CDCA7L: variants seen among roughly 807,000 people sequenced by gnomAD.
The protein encoded by CDCA7L is cell division cycle-associated 7-like protein.
CDCA7L carries 44 observed loss-of-function variants against 57.4 expected under a neutral mutation model. The ratio of observed to expected loss-of-function variants is 0.77; its 90% confidence interval spans 0.60 to 0.98. The LOEUF (loss-of-function observed/expected upper bound fraction) is 0.98, where lower values mean the gene tolerates loss of function less well. Ranked by LOEUF, CDCA7L falls within the 50% of genes least tolerant of loss-of-function variation. The probability of loss-of-function intolerance (pLI) is 0.00; values close to 1 mark genes in which losing one functional copy is unlikely to be tolerated. For synonymous variants in CDCA7L, 236 were observed against 202.8 expected, an observed-to-expected ratio of 1.16 and a Z score of -1.39; for missense variants, 644 against 580.6, an observed-to-expected ratio of 1.11 and a Z score of -1.12.
At chr7:21,944,447 T>C (rs1251628298) in intron 1 of CDCA7L, among the ~76,000 whole-genome samples, 2 of 5,530 alleles carry the variant, frequency 3.6e-4, no homozygotes, top group South Asian at 7.9e-3. Context: ...AAACTCCGTC[T>C]CCAAAAAAAA....
chr7:21,934,441 G>A (rs1272002117), intron 1 of CDCA7L, among the ~76,000 whole-genome samples: 2 of 151,858 alleles, frequency 1.3e-5, no homozygotes, highest in Non-Finnish European at 2.9e-5. Flanking sequence ...TGAGAAGAGA[G>A]TCAAAATGTG....
At chr7:21,904,371 G>C (rs953664766) in intron 7 of CDCA7L, 112 bp from the exon 8 acceptor site, 1 of 1,079,456 alleles carries the variant, frequency 9.3e-7, no homozygotes. Flanking sequence ...CCGTCTCCTC[G>C]AATCAAGCAG....
chr7:21,904,168 C>T lies in CDCA7L; in HGVS notation c.1139G>A (p.Cys380Tyr). Residue 380 changes from cysteine to tyrosine, a missense_variant, in exon 8 of 10, where the codon TGT becomes TAT. Physicochemically the swap from Cys to Tyr is radical, Grantham distance 194. Coordinates refer to ENST00000406877, the MANE Select transcript of CDCA7L (RefSeq NM_018719.5). The part of the protein sequence containing the change: ...QGCCGVRGQF[C>Y]GPCLRNRYGE... ...ATAGCGGTTCCGCAGGCATGGTCCA[C>T]AGAACTGTCCTCGCACACCACAGCA... The T allele has an allele frequency of 6.2e-7, 1 of 1,613,792 alleles. No homozygotes were observed. The highest frequency in any genetic ancestry group is 8.5e-7 in the Non-Finnish European group (1 of 1,179,860).
At chr7:21,937,132 G>GA (rs1266242012) in intron 1 of CDCA7L, among the ~76,000 whole-genome samples, 2 of 151,988 alleles carry the variant, frequency 1.3e-5, no homozygotes, top group Non-Finnish European at 2.9e-5. Flanking sequence ...CTACATCCCC[G>GA]AAAAAATCAA....
rs59962968 is a variant in CDCA7L, at chr7:21,915,529, G to A, written c.165+1225C>T. On this transcript the variant is annotated intron_variant, in intron 2 of 9. Coordinates refer to ENST00000406877, the MANE Select transcript of CDCA7L (RefSeq NM_018719.5). The stretch of plus-strand genomic sequence containing the variant: ...TAACAAAAAGCAGGCCAGGTACAGT[G>A]GCTCACGCCTCTAATTCCAGCACTT... Among the ~76,000 whole-genome samples, 125 of 151,972 alleles carry A rather than the reference G, an allele frequency of 8.2e-4. 5 individuals are homozygous for A. In the East Asian group the frequency reaches 0.023, roughly 28 times the overall value.
chr7:21,929,817 T>C (rs1463724671), intron 1 of CDCA7L, among the ~76,000 whole-genome samples: 1 of 152,030 alleles, frequency 6.6e-6, no homozygotes, highest in Admixed American at 6.6e-5. Flanking sequence ...CCCAGATGCA[T>C]AAAGCAAGTT....
At chr7:21,911,513 A>C (rs1328034000) in intron 3 of CDCA7L, 104 bp downstream of exon 3, 4 of 1,378,840 alleles carry the variant, frequency 2.9e-6, no homozygotes, top group East Asian at 5.0e-5. Context: ...TAAATATGTA[A>C]GAAAAATCTT....
At chr7:21,902,647 G>C (rs1784961867) in intron 9 of CDCA7L, 2 of 510,546 alleles carry the variant, frequency 3.9e-6, no homozygotes, top group East Asian at 6.7e-5. Flanking sequence ...TCTGCACTAG[G>C]ATTATGGCTG....
chr7:21,915,635 TAA>T (rs35601553), intron 2 of CDCA7L, among the ~76,000 whole-genome samples: 7 of 88,314 alleles, frequency 7.9e-5, no homozygotes, highest in African/African-American at 1.3e-4. Context: ...CCATCACTAC[TAA>T]AAAAAAAAAA....
At chr7:21,920,180 G>A (rs1785607780) in intron 1 of CDCA7L, among the ~76,000 whole-genome samples, 1 of 152,126 alleles carries the variant, frequency 6.6e-6, no homozygotes. Flanking sequence ...TATCAACACA[G>A]CAAAAAGGGC....
At chr7:21,926,225 C>T (rs1005565154) in intron 1 of CDCA7L, among the ~76,000 whole-genome samples, 10 of 131,340 alleles carry the variant, frequency 7.6e-5, no homozygotes, top group Admixed American at 5.2e-4. Context: ...TAGTATTCAG[C>T]AGTTAATAAA....
intron 1 of CDCA7L, among the ~76,000 whole-genome samples, chr7:21,936,623 C>T (rs9692398): frequency 0.44 from 66,316 of 151,416 alleles, 15,396 homozygotes; most frequent in Non-Finnish European, 0.52. Context: ...CAACACCCTT[C>T]CCTCATCAGA....
chr7:21,910,255 C>G (rs1263323004), intron 3 of CDCA7L, among the ~76,000 whole-genome samples: 1 of 152,096 alleles, frequency 6.6e-6, no homozygotes, highest in Non-Finnish European at 1.5e-5. Flanking sequence ...ATCTTAATAT[C>G]GTGCTGGCAA....
chr7:21,905,820 G>A (rs773797987), intron 6 of CDCA7L, 189 bp from the exon 7 acceptor site: 14 of 603,626 alleles, frequency 2.3e-5, no homozygotes, highest in South Asian at 5.9e-5. Context: ...TCAGCAAGGC[G>A]ATACAATCAT....
intron 1 of CDCA7L, among the ~76,000 whole-genome samples, chr7:21,918,826 TAAAAC>T (rs756178513): frequency 2.6e-5 from 4 of 152,182 alleles, no homozygotes; most frequent in Non-Finnish European, 5.9e-5. Context: ...TCTTCGCTTT[TAAAAC>T]AAAACAAAAC....
intron 1 of CDCA7L, among the ~76,000 whole-genome samples, chr7:21,920,098 GTT>G (rs1008326968): frequency 6.6e-6 from 1 of 152,160 alleles, no homozygotes; most frequent in Admixed American, 6.5e-5. Flanking sequence ...AATACAGTTT[GTT>G]GCTACCACCT....
At chr7:21,945,710 G>T in intron 1 of CDCA7L, 71 bp downstream of exon 1, 10 of 1,578,620 alleles carry the variant, frequency 6.3e-6, no homozygotes, top group Non-Finnish European at 7.8e-6. Context: ...CCCAAGGCCA[G>T]CAGGACCGGG....
chr7:21,901,166 C>CTTAAACTCTTTCAAAATATAAAAG lies in CDCA7L; in HGVS notation c.*1155_*1156insCTTTTATATTTTGAAAGAGTTTAA. 1 of 1,611,636 alleles carries CTTAAACTCTTTCAAAATATAAAAG rather than the reference C, an allele frequency of 6.2e-7. No individual in the cohort carries two copies. The highest frequency in any genetic ancestry group is 1.1e-5 in the South Asian group (1 of 91,062). On this transcript the variant is annotated 3_prime_UTR_variant, in exon 10 of 10. Transcript: ENST00000406877. ...GTGTATAGAACCAAACTGAGAGGCC[C>CTTAAACTCTTTCAAAATATAAAAG]CAGCTACATCTGGACCTTCAGGCTG... is the stretch of plus-strand genomic sequence containing the variant.
intron 1 of CDCA7L, among the ~76,000 whole-genome samples, chr7:21,922,549 G>A (rs1785684735): frequency 7.9e-5 from 12 of 152,168 alleles, no homozygotes; most frequent in Admixed American, 5.2e-4. Flanking sequence ...CTTGTTCAGG[G>A]AACATGCACG....
Sources: allele counts gnomAD v4.1 joint callset (sites outside exome capture counted in the v4.1 genomes callset), GRCh38; gene constraint gnomAD v4.1.1; transcripts MANE v1.5; gene names NCBI Gene and HGNC (gene_info 2026-07-23, HGNC 2026-07-21).